The following ALK variants were observed in gnomAD, a reference collection of about 807,000 sequenced individuals.
The protein encoded by ALK is ALK tyrosine kinase receptor.
Under a neutral mutation model 163.1 loss-of-function variants are expected in ALK, and 74 were observed. The ratio of observed to expected loss-of-function variants is 0.45; its 90% CI spans 0.38 to 0.55. The LOEUF (loss-of-function observed/expected upper bound fraction) is 0.55. Among genes scored for constraint, ALK ranks in the 20% least tolerant of loss-of-function variants. The probability of loss-of-function intolerance (pLI) is 0.00; values close to 1 mark genes in which losing one functional copy is unlikely to be tolerated. For missense variants in ALK, 2,063 were observed against 2,105.3 expected, an observed-to-expected ratio of 0.98 and a Z score of 0.39; for synonymous variants, 960 against 843.2, an observed-to-expected ratio of 1.14 and a Z score of -2.40.
At chr2:29,747,056 T>C (rs1289850104) in intron 1 of ALK, among the ~76,000 whole-genome samples, 1 of 152,196 alleles carries the variant, frequency 6.6e-6, no homozygotes, top group Non-Finnish European at 1.5e-5. Context: ...CATCTGACCT[T>C]TCCTTCACTA....
intron 4 of ALK, among the ~76,000 whole-genome samples, chr2:29,446,183 A>T (rs975475340): frequency 1.3e-4 from 20 of 151,772 alleles, no homozygotes; most frequent in African/African-American, 3.9e-4. Context: ...AACAAAAAAA[A>T]TGAAGAAAAC....
chr2:29,232,515 T>C, intron 14 of ALK, 67 bp from the exon 15 acceptor site: 1 of 1,604,334 alleles, frequency 6.2e-7, no homozygotes, highest in Admixed American at 1.7e-5. Context: ...CCCTAAGCTC[T>C]GGTAAATTCA....
intron 3 of ALK, among the ~76,000 whole-genome samples, chr2:29,539,661 T>G (rs539081217): frequency 6.6e-6 from 1 of 152,216 alleles, no homozygotes; most frequent in African/African-American, 2.4e-5. Flanking sequence ...ACTCTAATTT[T>G]AATAATCTGA....
intron 3 of ALK, 95 bp downstream of exon 3, chr2:29,694,755 C>A (rs1678501826): frequency 1.3e-6 from 2 of 1,499,740 alleles, no homozygotes; most frequent in East Asian, 2.3e-5. Context: ...GTAAACAGAG[C>A]AGAACAGGAG....
intron 4 of ALK, among the ~76,000 whole-genome samples, chr2:29,435,367 C>T (rs1670372127): frequency 6.6e-6 from 1 of 152,078 alleles, no homozygotes; most frequent in African/African-American, 2.4e-5. Context: ...GAGTCTACCT[C>T]AAGAGTAATG....
In ALK at chr2:29,335,313, A is replaced by G. The variant is rs140357629; in HGVS notation, c.1283-6832T>C. On this transcript the variant is annotated intron_variant, in intron 5 of 28. Transcript: ENST00000389048. ...AAATGGCACTTCCCCCAGACTAACA[A>G]TGTAAATCACAGGGGGTTACCTTTA... Among the ~76,000 whole-genome samples the G allele has an allele frequency of 3.2e-3, 487 of 152,320 alleles. 3 individuals carry two copies. The highest frequency in any genetic ancestry group is 0.011 in the African/African-American group (458 of 41,558).
chr2:29,462,262 T>G (rs556558325), intron 4 of ALK, among the ~76,000 whole-genome samples: 44 of 152,314 alleles, frequency 2.9e-4, no homozygotes, highest in Admixed American at 1.1e-3. Flanking sequence ...ACTTAGCTGA[T>G]AAAGCAGTAG....
At chr2:29,243,887 G>A (rs1664585942) in intron 12 of ALK, among the ~76,000 whole-genome samples, 1 of 152,224 alleles carries the variant, frequency 6.6e-6, no homozygotes, top group South Asian at 2.1e-4. Context: ...CTCTCAATGA[G>A]CTGATGCTGT....
At chr2:29,482,046 C>T (rs986631824) in intron 4 of ALK, among the ~76,000 whole-genome samples, 2 of 152,174 alleles carry the variant, frequency 1.3e-5, no homozygotes, top group African/African-American at 2.4e-5. Flanking sequence ...TGCCTTGTGA[C>T]CACAGATCTC....
chr2:29,713,125 C>T (rs1285007008), intron 2 of ALK, among the ~76,000 whole-genome samples: 1 of 152,264 alleles, frequency 6.6e-6, no homozygotes, highest in Admixed American at 6.5e-5. Context: ...TGTTCCTTGG[C>T]TTGTAGACAC....
At chr2:29,437,313 G>A (rs970576824) in intron 4 of ALK, among the ~76,000 whole-genome samples, 3 of 152,016 alleles carry the variant, frequency 2.0e-5, no homozygotes, top group African/African-American at 7.3e-5. Flanking sequence ...AGAATCTGTT[G>A]GTTTGAACAT....
chr2:29,877,861 G>A (rs1335814191), intron 1 of ALK, among the ~76,000 whole-genome samples: 1 of 152,166 alleles, frequency 6.6e-6, no homozygotes, highest in African/African-American at 2.4e-5. Context: ...ATGACTGGCT[G>A]CCATATGGTT....
intron 4 of ALK, among the ~76,000 whole-genome samples, chr2:29,427,572 A>T (rs1670175340): frequency 1.3e-5 from 2 of 152,112 alleles, no homozygotes; most frequent in Non-Finnish European, 2.9e-5. Context: ...AAAAATCATT[A>T]AACAAATTAA....
intron 1 of ALK, among the ~76,000 whole-genome samples, chr2:29,799,521 A>ACAAG (rs763756873): frequency 2.6e-4 from 40 of 151,892 alleles, no homozygotes; most frequent in Non-Finnish European, 5.4e-4. Context: ...AAACAAACAA[A>ACAAG]CAAACAAACA....
intron 26 of ALK, among the ~76,000 whole-genome samples, chr2:29,200,249 C>T (rs1285518008): frequency 1.3e-5 from 2 of 152,108 alleles, no homozygotes; most frequent in African/African-American, 4.8e-5. Flanking sequence ...AAGAAACTGG[C>T]AGTAAGGCCT....
chr2:29,815,078 A>G (rs987294354), intron 1 of ALK, among the ~76,000 whole-genome samples: 11 of 149,144 alleles, frequency 7.4e-5, no homozygotes, highest in African/African-American at 2.0e-4. Flanking sequence ...AATCATAGAA[A>G]TCTAGAGTGT....
At chr2:29,680,423 A>C (rs1016808970) in intron 3 of ALK, among the ~76,000 whole-genome samples, 2 of 152,206 alleles carry the variant, frequency 1.3e-5, no homozygotes, top group South Asian at 4.1e-4. Flanking sequence ...GCTTGTCTTC[A>C]CATTTTAAAA....
chr2:29,378,123 C>A (rs982628314), intron 5 of ALK, among the ~76,000 whole-genome samples: 5 of 152,184 alleles, frequency 3.3e-5, no homozygotes, highest in African/African-American at 1.2e-4. Flanking sequence ...CATGGGGGAG[C>A]TCCTTTGCAG....
chr2:29,419,003 A>T (rs926855514), intron 4 of ALK, among the ~76,000 whole-genome samples: 20 of 151,568 alleles, frequency 1.3e-4, no homozygotes, highest in Admixed American at 1.1e-3. Context: ...CTGTGCTCTC[A>T]ATAATCCTAT....
Sources: allele counts gnomAD v4.1 joint callset (sites outside exome capture counted in the v4.1 genomes callset), GRCh38; gene constraint gnomAD v4.1.1; transcripts MANE v1.5; gene names NCBI Gene and HGNC (gene_info 2026-07-23, HGNC 2026-07-21).